The following TENM3 variants were observed in gnomAD, a reference collection of about 807,000 sequenced individuals.
TENM3 encodes teneurin-3.
A neutral mutation model predicts 255.1 loss-of-function variants in TENM3; 63 were observed. The observed-to-expected ratio is 0.25, with a 90% CI of 0.20 to 0.30. The LOEUF is 0.30. TENM3 is among the 10% of genes least tolerant of loss of function. The pLI is 1.00. For missense variants in TENM3, 2,929 were observed against 3,461.1 expected (o/e 0.85, Z 3.86); for synonymous variants, 1,306 against 1,322.3 (o/e 0.99, Z 0.27).
intron 3 of TENM3, among the ~76,000 whole-genome samples, chr4:182,505,101 T>C (rs1736685607): frequency 6.6e-6 from 1 of 152,166 alleles, no homozygotes; most frequent in South Asian, 2.1e-4. Context: ...GTATAATCAA[T>C]ATTGATGGAA....
At chr4:181,788,412 T>C in the TENM3 span, among the ~76,000 whole-genome samples, 1 of 152,164 alleles carries the variant, frequency 6.6e-6, no homozygotes, top group Non-Finnish European at 1.5e-5. Flanking sequence ...TTACATCTGC[T>C]CCTTATTAAA....
the TENM3 span, among the ~76,000 whole-genome samples, chr4:181,762,666 A>C: frequency 2.0e-5 from 3 of 152,206 alleles, no homozygotes; most frequent in African/African-American, 7.2e-5. Context: ...TTTCCACAGC[A>C]TCAAAACTGG....
the TENM3 span, among the ~76,000 whole-genome samples, chr4:181,746,271 G>T: frequency 6.6e-6 from 1 of 152,232 alleles, no homozygotes; most frequent in South Asian, 2.1e-4. Context: ...TTAAAGAAGA[G>T]TGGAGGAGGC....
the TENM3 span, among the ~76,000 whole-genome samples, chr4:181,514,943 A>G: frequency 3.3e-5 from 5 of 152,312 alleles, no homozygotes; most frequent in Admixed American, 3.3e-4. Flanking sequence ...TCCCTATTTT[A>G]TATGTCAGGT....
the TENM3 span, among the ~76,000 whole-genome samples, chr4:181,621,977 G>A: frequency 2.0e-5 from 3 of 152,100 alleles, no homozygotes; most frequent in African/African-American, 4.8e-5. Flanking sequence ...CCTGACATAC[G>A]CACACAATAA....
At chr4:182,341,831 T>C (rs1352254599) in intron 2 of TENM3, among the ~76,000 whole-genome samples, 1 of 152,172 alleles carries the variant, frequency 6.6e-6, no homozygotes, top group East Asian at 1.9e-4. Context: ...AATAATAAAT[T>C]TGCATAGCAG....
intron 3 of TENM3, among the ~76,000 whole-genome samples, chr4:182,386,856 G>C (rs1328315467): frequency 1.3e-5 from 2 of 152,234 alleles, no homozygotes; most frequent in African/African-American, 4.8e-5. Context: ...TTCCTGTGCA[G>C]CCCGAGCCTC....
the TENM3 span, among the ~76,000 whole-genome samples, chr4:181,719,400 G>A: frequency 6.6e-6 from 1 of 152,082 alleles, no homozygotes; most frequent in Admixed American, 6.6e-5. Context: ...CAAACTGGGT[G>A]GCTTATAAAC....
chr4:182,050,537 C>A, the TENM3 span, among the ~76,000 whole-genome samples: 1 of 152,310 alleles, frequency 6.6e-6, no homozygotes, highest in African/African-American at 2.4e-5. Context: ...ACTGCGGTGG[C>A]TCACACCTGT....
intron 3 of TENM3, among the ~76,000 whole-genome samples, chr4:182,426,598 T>C (rs1438911151): frequency 6.6e-6 from 1 of 152,230 alleles, no homozygotes; most frequent in African/African-American, 2.4e-5. Flanking sequence ...AATCTAGTCA[T>C]TAATATAAAA....
chr4:182,006,778 T>C, the TENM3 span, among the ~76,000 whole-genome samples: 1 of 152,158 alleles, frequency 6.6e-6, no homozygotes, highest in African/African-American at 2.4e-5. Context: ...AGCTTTTGGA[T>C]TAGTTTACTC....
intron 3 of TENM3, among the ~76,000 whole-genome samples, chr4:182,562,097 A>T (rs1458662047): frequency 6.6e-6 from 1 of 152,176 alleles, no homozygotes; most frequent in East Asian, 1.9e-4. Flanking sequence ...AATTTGTCAA[A>T]CTTAATATAA....
At chr4:182,059,066 G>A in the TENM3 span, among the ~76,000 whole-genome samples, 2 of 151,998 alleles carry the variant, frequency 1.3e-5, no homozygotes, top group Admixed American at 6.6e-5. Context: ...CAGAATTAAG[G>A]AGAGGCGGAT....
the TENM3 span, among the ~76,000 whole-genome samples, chr4:181,503,464 T>C: frequency 1.3e-5 from 2 of 152,186 alleles, no homozygotes; most frequent in African/African-American, 4.8e-5. Flanking sequence ...TATTTGTAGA[T>C]TGCAAAACCA....
intron 1 of TENM3, among the ~76,000 whole-genome samples, chr4:182,166,171 G>T (rs937514158): frequency 6.6e-6 from 1 of 152,226 alleles, no homozygotes; most frequent in Non-Finnish European, 1.5e-5. Flanking sequence ...TAATGTGGCT[G>T]TTTCGTAAAG....
intron 1 of TENM3, among the ~76,000 whole-genome samples, chr4:182,228,071 G>A (rs1756295654): frequency 1.3e-5 from 2 of 152,054 alleles, no homozygotes; most frequent in South Asian, 4.2e-4. Flanking sequence ...ACCAGGAGCG[G>A]GTTGGGGCAG....
chr4:181,498,966 G>A, the TENM3 span, among the ~76,000 whole-genome samples: 2 of 152,188 alleles, frequency 1.3e-5, no homozygotes, highest in African/African-American at 4.8e-5. Context: ...GAAGTCTATA[G>A]AATTGAAATA....
chr4:182,616,848 C>A (rs936163679), intron 4 of TENM3, among the ~76,000 whole-genome samples: 1 of 152,154 alleles, frequency 6.6e-6, no homozygotes, highest in Non-Finnish European at 1.5e-5. Flanking sequence ...TAAACAGGAA[C>A]CCAGCCTTGA....
the TENM3 span, among the ~76,000 whole-genome samples, chr4:181,638,207 G>T: frequency 6.6e-6 from 1 of 152,210 alleles, no homozygotes; most frequent in East Asian, 1.9e-4. Flanking sequence ...ATCCCACACA[G>T]ACTGACATAG....
Sources: allele counts gnomAD v4.1 joint callset (sites outside exome capture counted in the v4.1 genomes callset), GRCh38; gene constraint gnomAD v4.1.1; transcripts MANE v1.5; gene names NCBI Gene and HGNC (gene_info 2026-07-23, HGNC 2026-07-21).